Variants in TNS3 observed in about 807,000 individuals in gnomAD.
TNS3 encodes the protein tensin-3.
Under a neutral mutation model 140.9 loss-of-function variants are expected in TNS3, and 45 were observed. That is an observed-to-expected ratio of 0.32 (90% confidence interval 0.25 to 0.41). The LOEUF is 0.41. Ranked by LOEUF, TNS3 falls within the 10% of genes least tolerant of loss-of-function variation. TNS3 has a pLI of 1.00. For synonymous variants in TNS3, 815 were observed against 788.4 expected, an observed-to-expected ratio of 1.03 and a Z score of -0.56; for missense variants, 1,716 against 1,906.7, an observed-to-expected ratio of 0.90 and a Z score of 1.86.
intron 4 of TNS3, among the ~76,000 whole-genome samples, chr7:47,446,865 G>GT (rs58375628): frequency 0.43 from 63,132 of 147,154 alleles, 14,377 homozygotes; most frequent in Non-Finnish European, 0.52. Flanking sequence ...GCTAATTTTT[G>GT]TTTTTTTTTT....
chr7:47,293,777 G>C lies in TNS3; in HGVS notation c.3728C>G (p.Pro1243Arg). Reference protein sequence around the residue: ...LVRHFLIECTPKGVRLKGCSN... With the variant: ...LVRHFLIECTRKGVRLKGCSN... ...GCACCCTTTCAACCGCACTCCCTTC[G>C]GGGTACACTCGATCAAAAAGTGCCG... Residue 1243 changes from proline to arginine, a missense_variant, in exon 25 of 31, where the codon CCG becomes CGG. By Grantham distance (103) the Pro-to-Arg change is moderately radical (BLOSUM62 -2). Coordinates refer to ENST00000311160, the MANE Select transcript of TNS3 (RefSeq NM_022748.12). 3.7e-6 allele frequency: 6 copies of C among 1,614,116 alleles called. No individual in the cohort carries two copies. Among genetic ancestry groups the C allele is most frequent in the Non-Finnish European group, 5.1e-6 (6 of 1,180,026 alleles).
chr7:47,377,609 G>A (rs1022479489), intron 16 of TNS3, among the ~76,000 whole-genome samples: 6 of 152,090 alleles, frequency 3.9e-5, no homozygotes, highest in East Asian at 1.9e-4. Context: ...TAAAACAACC[G>A]TTGTGAGATC....
intron 4 of TNS3, among the ~76,000 whole-genome samples, chr7:47,465,285 C>A (rs923528095): frequency 6.6e-6 from 1 of 152,154 alleles, no homozygotes; most frequent in Non-Finnish European, 1.5e-5. Flanking sequence ...CGGCTCAATG[C>A]CACACAGGAG....
chr7:47,515,501 CCAT>C (rs905424915), intron 2 of TNS3, among the ~76,000 whole-genome samples: 4 of 152,086 alleles, frequency 2.6e-5, no homozygotes, highest in African/African-American at 4.8e-5. Context: ...GTCACCATCA[CCAT>C]CATCATGTCA....
At chr7:47,299,287 A>G (rs1009429463) in intron 23 of TNS3, among the ~76,000 whole-genome samples, 1 of 151,966 alleles carries the variant, frequency 6.6e-6, no homozygotes, top group Admixed American at 6.6e-5. Context: ...ACAAGTGTAC[A>G]CCACCACACC....
At chr7:47,301,157 G>A (rs1786377407) in intron 23 of TNS3, among the ~76,000 whole-genome samples, 1 of 152,120 alleles carries the variant, frequency 6.6e-6, no homozygotes, top group Admixed American at 6.5e-5. Flanking sequence ...GAGCCAAGTG[G>A]GTCTCCTGCT....
chr7:47,574,626 GAC>G (rs3066624), intron 1 of TNS3, among the ~76,000 whole-genome samples: 12 of 145,648 alleles, frequency 8.2e-5, no homozygotes, highest in Non-Finnish European at 1.6e-4. Context: ...TATTCATACA[GAC>G]ACACACACAC....
chr7:47,328,017 C>CT (rs1256516414), intron 20 of TNS3, among the ~76,000 whole-genome samples: 1 of 152,210 alleles, frequency 6.6e-6, no homozygotes, highest in East Asian at 1.9e-4. Flanking sequence ...ATGGAAGGGC[C>CT]TGGGAGGATG....
chr7:47,397,216 G>A (rs368905890), intron 15 of TNS3, among the ~76,000 whole-genome samples: 11 of 152,222 alleles, frequency 7.2e-5, no homozygotes, highest in Admixed American at 2.6e-4. Flanking sequence ...ACAGAGGCCC[G>A]GTAAGCTGTC....
chr7:47,402,356 G>A (rs1477170671), intron 13 of TNS3, among the ~76,000 whole-genome samples: 1 of 152,194 alleles, frequency 6.6e-6, no homozygotes, highest in Non-Finnish European at 1.5e-5. Flanking sequence ...ACTCAGGCCT[G>A]GCCTCCAGGG....
At position 47,329,958 on chromosome 7, in the gene TNS3, T is replaced by C. The variant is rs145775364; in HGVS notation, c.2650+14797A>G. Among the ~76,000 whole-genome samples the C allele has an allele frequency of 3.3e-4, 50 of 152,336 alleles. No homozygotes were observed. In the East Asian group the frequency reaches 8.3e-3, roughly 25 times the overall value. Reference sequence around the variant, plus strand: ...ACTGGGACAATCCTGAGTGTGAATCTACAGATTTAAGCATCTTCTGGAGAT... The same window carrying C: ...ACTGGGACAATCCTGAGTGTGAATCCACAGATTTAAGCATCTTCTGGAGAT... On this transcript the variant is annotated intron_variant, in intron 20 of 30. Transcript: ENST00000311160.
chr7:47,415,291 G>A (rs1794017420), intron 10 of TNS3, 85 bp from the exon 11 acceptor site: 2 of 913,566 alleles, frequency 2.2e-6, no homozygotes, highest in African/African-American at 1.7e-5. Flanking sequence ...ACACATCCTG[G>A]CTGAGTCTGG....
intron 2 of TNS3, among the ~76,000 whole-genome samples, chr7:47,511,226 C>T (rs924533564): frequency 6.6e-6 from 1 of 152,050 alleles, no homozygotes; most frequent in African/African-American, 2.4e-5. Flanking sequence ...CTACAATGGC[C>T]GGAAAAGCCT....
At chr7:47,350,165 G>A (rs1789580322) in intron 17 of TNS3, among the ~76,000 whole-genome samples, 1 of 152,138 alleles carries the variant, frequency 6.6e-6, no homozygotes, top group South Asian at 2.1e-4. Context: ...GGCCCCATGA[G>A]CCCTGGGAGG....
At chr7:47,356,178 C>T (rs938203592) in intron 17 of TNS3, among the ~76,000 whole-genome samples, 2 of 152,148 alleles carry the variant, frequency 1.3e-5, no homozygotes, top group African/African-American at 4.8e-5. Context: ...GGCTGGGACA[C>T]GCACCTAAGT....
intron 27 of TNS3, among the ~76,000 whole-genome samples, chr7:47,286,991 C>T (rs753428846): frequency 9.2e-5 from 14 of 152,032 alleles, no homozygotes; most frequent in Non-Finnish European, 1.8e-4. Context: ...ACCTGCTGTC[C>T]ACTCTTCCTC....
chr7:47,555,195 G>A (rs1800163427), intron 1 of TNS3, among the ~76,000 whole-genome samples: 1 of 152,044 alleles, frequency 6.6e-6, no homozygotes, highest in Admixed American at 6.6e-5. Flanking sequence ...GAGGTCAGGA[G>A]TTCCAGACTA....
At chr7:47,299,283 G>T (rs949059060) in intron 23 of TNS3, among the ~76,000 whole-genome samples, 6 of 151,746 alleles carry the variant, frequency 4.0e-5, no homozygotes, top group Non-Finnish European at 7.4e-5. Flanking sequence ...GACTACAAGT[G>T]TACACCACCA....
Position 47,552,261 on chromosome 7 carries a change from T to A in TNS3, c.-264-23114A>T, listed in dbSNP as rs113255440. Reference sequence around the variant, plus strand: ...AGGAAGCCGTCTAGAGCTTGGCACATGAGTGAAGGCGAGAAACAATTTGCC... The same window carrying A: ...AGGAAGCCGTCTAGAGCTTGGCACAAGAGTGAAGGCGAGAAACAATTTGCC... On this transcript the variant is annotated intron_variant, in intron 1 of 30. Coordinates refer to ENST00000311160, the MANE Select transcript of TNS3 (RefSeq NM_022748.12). Among the ~76,000 whole-genome samples, 10 of 152,270 alleles carry A rather than the reference T, an allele frequency of 6.6e-5. 1 individual carries two copies. Among genetic ancestry groups the A allele is most frequent in the African/African-American group, 2.2e-4 (9 of 41,540 alleles).
Sources: allele counts gnomAD v4.1 joint callset (sites outside exome capture counted in the v4.1 genomes callset), GRCh38; gene constraint gnomAD v4.1.1; transcripts MANE v1.5; gene names NCBI Gene and HGNC (gene_info 2026-07-23, HGNC 2026-07-21).